LINGO2: variants seen among roughly 807,000 people sequenced by gnomAD.
LINGO2 encodes the protein leucine rich repeat and Ig domain containing 2, also known as leucine-rich repeat and immunoglobulin-like domain-containing nogo receptor-interacting protein 2.
Under a neutral mutation model 30.6 loss-of-function variants are expected in LINGO2, and 14 were observed. The ratio of observed to expected loss-of-function variants is 0.46; its 90% CI spans 0.30 to 0.72. The LOEUF is 0.72. Among genes scored for constraint, LINGO2 ranks in the 30% least tolerant of loss-of-function variants. The pLI, the probability that LINGO2 is intolerant of heterozygous loss-of-function variation, is 0.07. For missense variants in LINGO2, 729 were observed against 751.7 expected, an observed-to-expected ratio of 0.97 and a Z score of 0.35; for synonymous variants, 317 against 288.5, an observed-to-expected ratio of 1.10 and a Z score of -1.00.
chr9:28,242,204 T>C (rs1821825365), intron 4 of LINGO2, among the ~76,000 whole-genome samples: 1 of 152,096 alleles, frequency 6.6e-6, no homozygotes. Flanking sequence ...TCTAACCCAA[T>C]GCAAAGAAGC....
chr9:29,051,741 T>C, the LINGO2 span, among the ~76,000 whole-genome samples: 42 of 152,054 alleles, frequency 2.8e-4, no homozygotes, highest in African/African-American at 1.0e-3. Context: ...CATAAGAGAG[T>C]TTACTGCAAA....
the LINGO2 span, among the ~76,000 whole-genome samples, chr9:28,827,593 C>T: frequency 0.15 from 22,100 of 151,950 alleles, 1,799 homozygotes; most frequent in East Asian, 0.33. Flanking sequence ...CTTGACAATA[C>T]ATATTTGTTG....
At chr9:28,727,278 T>TA in the LINGO2 span, among the ~76,000 whole-genome samples, 1 of 151,870 alleles carries the variant, frequency 6.6e-6, no homozygotes, top group Non-Finnish European at 1.5e-5. Context: ...AGAGTTAGCT[T>TA]AAAAATCCTT....
chr9:28,580,266 T>C (rs185576203), intron 1 of LINGO2, among the ~76,000 whole-genome samples: 1 of 152,156 alleles, frequency 6.6e-6, no homozygotes. Flanking sequence ...ACTTGTATAA[T>C]TTTAGTGTCA....
At chr9:28,689,480 A>G in the LINGO2 span, among the ~76,000 whole-genome samples, 8 of 152,300 alleles carry the variant, frequency 5.3e-5, no homozygotes, top group Non-Finnish European at 1.0e-4. Flanking sequence ...TAATCATTAG[A>G]GAAATGCAAA....
At chr9:28,944,562 C>T in the LINGO2 span, among the ~76,000 whole-genome samples, 9 of 152,150 alleles carry the variant, frequency 5.9e-5, no homozygotes, top group East Asian at 7.8e-4. Flanking sequence ...CCTGCCACCA[C>T]GCCTGGCTAA....
At chr9:28,528,910 G>C (rs1447996981) in intron 1 of LINGO2, among the ~76,000 whole-genome samples, 1 of 151,950 alleles carries the variant, frequency 6.6e-6, no homozygotes, top group African/African-American at 2.4e-5. Flanking sequence ...TAAATCACTA[G>C]CTACTTTAAA....
intron 1 of LINGO2, among the ~76,000 whole-genome samples, chr9:28,548,119 T>C (rs575495632): frequency 6.6e-6 from 1 of 152,202 alleles, no homozygotes; most frequent in South Asian, 2.1e-4. Flanking sequence ...GAAACTTTCC[T>C]TTAAGGAACC....
At chr9:28,466,054 G>T (rs540512596) in intron 2 of LINGO2, among the ~76,000 whole-genome samples, 13 of 151,202 alleles carry the variant, frequency 8.6e-5, no homozygotes, top group Non-Finnish European at 1.6e-4. Context: ...CAGTTCAGAG[G>T]TTTCAAAAAA....
chr9:28,072,382 A>C (rs1465674259), intron 4 of LINGO2, among the ~76,000 whole-genome samples: 2 of 152,252 alleles, frequency 1.3e-5, no homozygotes, highest in African/African-American at 4.8e-5. Flanking sequence ...TGTTTGTCTC[A>C]GAACATTTTC....
At chr9:29,003,326 C>G in the LINGO2 span, among the ~76,000 whole-genome samples, 10 of 151,992 alleles carry the variant, frequency 6.6e-5, no homozygotes, top group Admixed American at 2.0e-4. Context: ...AATTTGTATG[C>G]TCTTTCACTG....
chr9:29,158,438 G>T, the LINGO2 span, among the ~76,000 whole-genome samples: 1 of 152,280 alleles, frequency 6.6e-6, no homozygotes, highest in Middle Eastern at 3.4e-3. Flanking sequence ...ATAACTAAAT[G>T]AGAACAAGCA....
the LINGO2 span, among the ~76,000 whole-genome samples, chr9:28,808,097 A>C: frequency 6.6e-6 from 1 of 152,170 alleles, no homozygotes; most frequent in South Asian, 2.1e-4. Flanking sequence ...TCTTATTGTA[A>C]TTTTGAATAA....
At chr9:29,106,308 ACT>A in the LINGO2 span, among the ~76,000 whole-genome samples, 1 of 151,394 alleles carries the variant, frequency 6.6e-6, no homozygotes, top group Admixed American at 6.6e-5. Context: ...ATTTGGGGAG[ACT>A]CTTTTGTTTT....
At chr9:29,032,662 A>G in the LINGO2 span, among the ~76,000 whole-genome samples, 1 of 152,190 alleles carries the variant, frequency 6.6e-6, no homozygotes, top group African/African-American at 2.4e-5. Context: ...TTTATACCAC[A>G]TAGTTCAGAA....
intron 4 of LINGO2, among the ~76,000 whole-genome samples, chr9:28,058,798 T>C (rs894187746): frequency 5.3e-5 from 8 of 152,150 alleles, no homozygotes; most frequent in African/African-American, 1.2e-4. Context: ...GGATTAATGA[T>C]AGTATAAAGA....
chr9:28,793,804 C>G, the LINGO2 span, among the ~76,000 whole-genome samples: 31 of 152,184 alleles, frequency 2.0e-4, no homozygotes, highest in Non-Finnish European at 7.3e-5. Context: ...AGAATCTCCA[C>G]CTCCCAGATC....
intron 4 of LINGO2, among the ~76,000 whole-genome samples, chr9:28,178,358 A>G (rs1287396785): frequency 2.0e-5 from 3 of 152,218 alleles, no homozygotes; most frequent in African/African-American, 4.8e-5. Flanking sequence ...AACTTGGAAC[A>G]TGAAATGACT....
chr9:28,776,400 G>C, the LINGO2 span, among the ~76,000 whole-genome samples: 1 of 152,034 alleles, frequency 6.6e-6, no homozygotes, highest in Non-Finnish European at 1.5e-5. Flanking sequence ...TCTAGAAATG[G>C]CCATTTAATT....
Sources: allele counts gnomAD v4.1 joint callset (sites outside exome capture counted in the v4.1 genomes callset), GRCh38; gene constraint gnomAD v4.1.1; transcripts MANE v1.5; gene names NCBI Gene and HGNC (gene_info 2026-07-23, HGNC 2026-07-21).